ANGPT1: variants seen among roughly 807,000 people sequenced by gnomAD.
ANGPT1 encodes the protein angiopoietin 1.
In ANGPT1, 17 loss-of-function variants were observed where a neutral mutation model predicts 62.2. The observed-to-expected ratio is 0.27, with a 90% CI of 0.19 to 0.41. The LOEUF (loss-of-function observed/expected upper bound fraction) is 0.41. Ranked by LOEUF, ANGPT1 falls within the 10% of genes least tolerant of loss-of-function variation. The pLI is 1.00. For missense variants in ANGPT1, 478 were observed against 594.9 expected (o/e 0.80, Z 2.04); for synonymous variants, 199 against 198.9 (o/e 1.00, Z 0.00).
In ANGPT1 at chr8:107,370,306, A is replaced by AGAAGGAAG. The variant is rs1271041065; in HGVS notation, c.298-23217_298-23210dup. 5.1e-5 allele frequency among the ~76,000 whole-genome samples: 4 copies of AGAAGGAAG among 77,998 alleles called. 2 individuals carry two copies. The highest frequency in any genetic ancestry group is 1.1e-4 in the Non-Finnish European group (4 of 36,912). 51.2% of individuals were successfully genotyped at this position (77,998 alleles called of 152,430 possible). ...AGAAAGAAAAGGAAAGAAGAAAGAA[A>AGAAGGAAG]GAAGGAAGGAAGGAAAGAGAAAGGA... is the stretch of plus-strand genomic sequence containing the variant. On this transcript the variant is annotated intron_variant, in intron 1 of 8. Coordinates refer to ENST00000517746, the MANE Select transcript of ANGPT1 (RefSeq NM_001146.5).
chr8:107,418,815 C>A (rs1423327525), intron 1 of ANGPT1, among the ~76,000 whole-genome samples: 2 of 152,174 alleles, frequency 1.3e-5, no homozygotes, highest in African/African-American at 4.8e-5. Context: ...GGCTCCAGCT[C>A]TTCCTTCAAC....
chr8:107,484,461 C>A (rs976098029), intron 1 of ANGPT1, among the ~76,000 whole-genome samples: 1 of 152,024 alleles, frequency 6.6e-6, no homozygotes, highest in Admixed American at 6.6e-5. Context: ...GAGTGCAGTG[C>A]CACGATCCCA....
At chr8:107,416,700 C>A (rs1364183646) in intron 1 of ANGPT1, among the ~76,000 whole-genome samples, 1 of 152,090 alleles carries the variant, frequency 6.6e-6, no homozygotes. Flanking sequence ...TGAAGTTCTT[C>A]TTGGCCTCTC....
intron 1 of ANGPT1, among the ~76,000 whole-genome samples, chr8:107,407,863 T>C (rs369787342): frequency 6.6e-6 from 1 of 152,092 alleles, no homozygotes; most frequent in African/African-American, 2.4e-5. Context: ...CAGAGAAAGA[T>C]TGGACAGAAA....
At chr8:107,419,008 C>G (rs187302900) in intron 1 of ANGPT1, among the ~76,000 whole-genome samples, 22 of 152,238 alleles carry the variant, frequency 1.4e-4, no homozygotes, top group Non-Finnish European at 2.8e-4. Context: ...AAACCAGTAT[C>G]CTAAAGCCAA....
At position 107,455,178 on chromosome 8, in the gene ANGPT1, A is replaced by C. The variant is rs534621575; in HGVS notation, c.297+42084T>G. ...GACAAGACCTTTTTGGTTCAAAATA[A>C]GTTCATTCCTTAGCAGAGCCTTTCG... On this transcript the variant is annotated intron_variant, in intron 1 of 8. Coordinates refer to ENST00000517746, the MANE Select transcript of ANGPT1 (RefSeq NM_001146.5). 5.3e-5 allele frequency among the ~76,000 whole-genome samples: 8 copies of C among 152,216 alleles called. No homozygotes were observed. The South Asian group carries it at 1.7e-3, about 31-fold the overall frequency.
At chr8:107,259,488 A>G (rs1813444474) in intron 8 of ANGPT1, among the ~76,000 whole-genome samples, 1 of 152,136 alleles carries the variant, frequency 6.6e-6, no homozygotes, top group South Asian at 2.1e-4. Flanking sequence ...TTAGCTTTAG[A>G]AAGTCTTGTC....
intron 1 of ANGPT1, among the ~76,000 whole-genome samples, chr8:107,495,624 G>A (rs537946692): frequency 3.7e-4 from 57 of 152,170 alleles, no homozygotes; most frequent in Middle Eastern, 3.4e-3. Context: ...TTTCCTTCCC[G>A]TTCCCTCAAA....
intron 1 of ANGPT1, among the ~76,000 whole-genome samples, chr8:107,369,786 TCTC>T (rs1239536881): frequency 2.6e-5 from 4 of 152,012 alleles, no homozygotes; most frequent in African/African-American, 9.7e-5. Flanking sequence ...TCGATGAAGT[TCTC>T]CTACTCATTT....
intron 8 of ANGPT1, among the ~76,000 whole-genome samples, chr8:107,258,070 T>C (rs1813412108): frequency 6.6e-6 from 1 of 151,838 alleles, no homozygotes; most frequent in Admixed American, 6.6e-5. Context: ...TTCTAGGTAT[T>C]CTTTTACCTC....
At chr8:107,252,521 C>A (rs553069076) in intron 8 of ANGPT1, among the ~76,000 whole-genome samples, 3 of 152,120 alleles carry the variant, frequency 2.0e-5, no homozygotes, top group Admixed American at 6.6e-5. Context: ...ATAATTGGCC[C>A]TAAGCTGCTT....
At chr8:107,315,506 T>C (rs1263143238) in intron 4 of ANGPT1, among the ~76,000 whole-genome samples, 1 of 152,094 alleles carries the variant, frequency 6.6e-6, no homozygotes, top group Non-Finnish European at 1.5e-5. Flanking sequence ...ATACAGAAGG[T>C]TCTTTTTAAA....
chr8:107,493,329 T>C (rs1037175747), intron 1 of ANGPT1, among the ~76,000 whole-genome samples: 1 of 150,436 alleles, frequency 6.6e-6, no homozygotes, highest in African/African-American at 2.5e-5. Context: ...TGATGACATT[T>C]GAGAACTCAG....
chr8:107,473,462 A>AG (rs2130502695), intron 1 of ANGPT1, among the ~76,000 whole-genome samples: 1 of 152,208 alleles, frequency 6.6e-6, no homozygotes, highest in East Asian at 1.9e-4. Context: ...TGTCTAAAAA[A>AG]AAAGCTCATA....
At chr8:107,355,565 A>C (rs935929352) in intron 1 of ANGPT1, among the ~76,000 whole-genome samples, 1 of 150,140 alleles carries the variant, frequency 6.7e-6, no homozygotes, top group African/African-American at 2.4e-5. Flanking sequence ...TGCTCCAGAC[A>C]TACCAAATGA....
chr8:107,309,886 A>T (rs528996042), intron 4 of ANGPT1, among the ~76,000 whole-genome samples: 1 of 152,246 alleles, frequency 6.6e-6, no homozygotes, highest in South Asian at 2.1e-4. Flanking sequence ...CATACATTCT[A>T]TTCTTAAATA....
chr8:107,257,031 A>AT (rs747657578), intron 8 of ANGPT1, among the ~76,000 whole-genome samples: 7 of 151,066 alleles, frequency 4.6e-5, no homozygotes, highest in South Asian at 4.2e-4. Context: ...TAATTTTTGT[A>AT]TTTTTTTTAG....
intron 3 of ANGPT1, among the ~76,000 whole-genome samples, chr8:107,329,496 T>C (rs573560580): frequency 1.2e-4 from 18 of 152,100 alleles, no homozygotes; most frequent in Non-Finnish European, 2.2e-4. Context: ...TATACAATAG[T>C]AACATTGAGT....
At chr8:107,285,256 T>G (rs1254391789) in intron 6 of ANGPT1, among the ~76,000 whole-genome samples, 1 of 152,154 alleles carries the variant, frequency 6.6e-6, no homozygotes, top group Non-Finnish European at 1.5e-5. Flanking sequence ...GACAAGTTAT[T>G]TAACAATATT....
Sources: gnomAD v4.1 joint callset for allele counts (sites outside exome capture counted in the v4.1 genomes callset) on GRCh38, gnomAD v4.1.1 for gene constraint, MANE v1.5 for transcripts, NCBI Gene and HGNC (gene_info 2026-07-23, HGNC 2026-07-21) for gene names.